CDH11: variants seen among roughly 807,000 people sequenced by gnomAD.
The protein encoded by CDH11 is cadherin-11.
Under a neutral mutation model 67.8 loss-of-function variants are expected in CDH11, and 11 were observed. The ratio of observed to expected loss-of-function variants is 0.16; its 90% CI spans 0.10 to 0.27. The LOEUF is 0.27. Ranked by LOEUF, CDH11 falls within the 10% of genes least tolerant of loss-of-function variation. The pLI, the probability that CDH11 is intolerant of heterozygous loss-of-function variation, is 1.00. For synonymous variants in CDH11, 419 were observed against 400.0 expected (o/e 1.05, Z -0.57); for missense variants, 847 against 1,031.2 (o/e 0.82, Z 2.45).
At position 64,991,936 on chromosome 16, in the gene CDH11, C is replaced by T. The variant is rs2072638307; in HGVS notation, c.644-1G>A. On this transcript the variant is annotated splice_acceptor_variant, in intron 5 of 12. Transcript: ENST00000268603. LOFTEE classifies it high-confidence loss of function. The stretch of plus-strand genomic sequence containing the variant: ...TTGGGTAGGGCTGTTCTGATGATAC[C>T]TGGACAGGTAAGCAGGCAACATCAC... 6.3e-7 allele frequency: 1 copy of T among 1,595,338 alleles called. No individual in the cohort carries two copies. The highest frequency in any genetic ancestry group is 1.7e-5 in the Admixed American group (1 of 59,568).
At chr16:64,989,901 C>T (rs192194154) in intron 6 of CDH11, among the ~76,000 whole-genome samples, 13 of 152,266 alleles carry the variant, frequency 8.5e-5, no homozygotes, top group Admixed American at 7.8e-4. Flanking sequence ...GAGATTTCAT[C>T]AGTTCTAATA....
At chr16:64,953,440 C>T (rs2142377875) in intron 11 of CDH11, among the ~76,000 whole-genome samples, 1 of 152,052 alleles carries the variant, frequency 6.6e-6, no homozygotes, top group South Asian at 2.1e-4. Flanking sequence ...AACATTTCAT[C>T]CAAAACAACA....
Position 64,993,027 on chromosome 16 carries a change from T to C in CDH11, c.531A>G (p.Ser177=). ...CATCTGAAGCTGTCACCTGGATTAC[T>C]GACGTTCCTTAAAAGTGAAATAAAT... ...NVPERSNVGT[S]VIQVTASDAD... The change falls in exon 5 of 13, where the codon TCA becomes TCG. Residue 177 remains serine (S), a synonymous_variant. Transcript: ENST00000268603. 1.2e-6 allele frequency: 2 copies of C among 1,610,636 alleles called. No homozygotes were observed. The highest frequency in any genetic ancestry group is 1.7e-6 in the Non-Finnish European group (2 of 1,176,926).
intron 2 of CDH11, among the ~76,000 whole-genome samples, chr16:65,027,037 G>T (rs2073547951): frequency 6.6e-6 from 1 of 152,106 alleles, no homozygotes; most frequent in African/African-American, 2.4e-5. Flanking sequence ...GAGTTACGTG[G>T]TTGTAGAGGC....
Position 65,004,723 on chromosome 16 carries a change from C to T in CDH11, c.147G>A (p.Gln49=). Residue 49 remains glutamine, a synonymous_variant, in exon 3 of 13, where the codon CAG becomes CAA. Transcript: ENST00000268603. ...HEKGKEGQVL[Q]RSKRGWVWNQ... ...TCCAGACCCAGCCACGCTTGGAGCG[C>T]TGTAGCACCTGCCCCTCCTTGCCCT... The T allele has an allele frequency of 6.2e-7, 1 of 1,613,976 alleles. No homozygotes were observed. The highest frequency in any genetic ancestry group is 8.5e-7 in the Non-Finnish European group (1 of 1,180,014).
intron 1 of CDH11, among the ~76,000 whole-genome samples, chr16:65,073,075 G>A (rs922673556): frequency 6.6e-6 from 1 of 152,022 alleles, no homozygotes; most frequent in African/African-American, 2.4e-5. Flanking sequence ...ACATTTTTTT[G>A]TGTCTAACCA....
chr16:65,003,616 T>C (rs956379234), intron 3 of CDH11, among the ~76,000 whole-genome samples: 2 of 152,230 alleles, frequency 1.3e-5, no homozygotes, highest in Admixed American at 6.5e-5. Flanking sequence ...TACATTTTAC[T>C]CAAATGCTAG....
chr16:65,009,215 T>A (rs1030019742), intron 2 of CDH11, among the ~76,000 whole-genome samples: 1 of 151,910 alleles, frequency 6.6e-6, no homozygotes, highest in African/African-American at 2.4e-5. Flanking sequence ...TTTGGTAGCA[T>A]GGAGAAGTAG....
intron 2 of CDH11, among the ~76,000 whole-genome samples, chr16:65,029,515 T>A (rs1004847909): frequency 6.6e-6 from 1 of 152,212 alleles, no homozygotes; most frequent in Non-Finnish European, 1.5e-5. Context: ...AAAGATGTGA[T>A]GTTTTCCCCC....
chr16:65,090,857 G>A (rs970782703), intron 1 of CDH11, among the ~76,000 whole-genome samples: 5 of 152,148 alleles, frequency 3.3e-5, no homozygotes, highest in South Asian at 2.1e-4. Flanking sequence ...AGAGGGAACC[G>A]CTATTCCATT....
At chr16:65,111,988 C>T (rs1248188572) in intron 1 of CDH11, among the ~76,000 whole-genome samples, 3 of 149,006 alleles carry the variant, frequency 2.0e-5, no homozygotes, top group African/African-American at 5.0e-5. Flanking sequence ...GATAATCACT[C>T]GAACCCGGGA....
At chr16:65,026,705 A>C (rs1030708062) in intron 2 of CDH11, among the ~76,000 whole-genome samples, 3 of 152,128 alleles carry the variant, frequency 2.0e-5, no homozygotes, top group African/African-American at 7.2e-5. Context: ...CCTTAGGGGA[A>C]CATCTCCCAT....
chr16:65,004,004 C>T (rs756194761), intron 3 of CDH11, among the ~76,000 whole-genome samples: 5 of 152,114 alleles, frequency 3.3e-5, no homozygotes, highest in Non-Finnish European at 5.9e-5. Flanking sequence ...CAGGGAAATG[C>T]CTCCAGCTGG....
At chr16:65,042,764 C>T (rs2073887464) in intron 2 of CDH11, among the ~76,000 whole-genome samples, 1 of 152,160 alleles carries the variant, frequency 6.6e-6, no homozygotes, top group South Asian at 2.1e-4. Context: ...TTTCATTCAA[C>T]TTCTGATCCT....
At chr16:64,983,231 G>A (rs1001113937) in intron 7 of CDH11, 1 of 151,300 alleles carries the variant, frequency 6.6e-6, no homozygotes, top group African/African-American at 2.4e-5. Context: ...AAATATGAAA[G>A]AAAAAAAATG....
chr16:64,949,787 C>T (rs1015262528), intron 12 of CDH11, among the ~76,000 whole-genome samples: 7 of 152,040 alleles, frequency 4.6e-5, no homozygotes, highest in African/African-American at 1.4e-4. Context: ...TATTACAGCA[C>T]CCACCGTGTG....
chr16:65,066,879 C>A (rs573961009), intron 1 of CDH11, among the ~76,000 whole-genome samples: 24 of 152,300 alleles, frequency 1.6e-4, no homozygotes, highest in African/African-American at 5.5e-4. Context: ...ACACAGAGAC[C>A]TGGACTTAAA....
intron 1 of CDH11, chr16:65,072,242 G>A (rs949608152): frequency 6.6e-6 from 1 of 152,546 alleles, no homozygotes; most frequent in African/African-American, 2.4e-5. Context: ...GGCGGCTCCT[G>A]ATCCCTGGCA....
chr16:64,998,470 T>C, intron 4 of CDH11, 92 bp downstream of exon 4: 1 of 1,188,354 alleles, frequency 8.4e-7, no homozygotes. Flanking sequence ...AAGAAGAAGC[T>C]CTACTTCCTG....
Sources: allele counts gnomAD v4.1 joint callset (sites outside exome capture counted in the v4.1 genomes callset), GRCh38; gene constraint gnomAD v4.1.1; transcripts MANE v1.5; gene names NCBI Gene and HGNC (gene_info 2026-07-23, HGNC 2026-07-21).